Variants in PPP1R9A observed in about 807,000 individuals in gnomAD.
PPP1R9A encodes neurabin-1.
PPP1R9A carries 59 observed loss-of-function variants against 141.9 expected under a neutral mutation model. That is an observed-to-expected ratio of 0.42 (90% CI 0.34 to 0.52). The LOEUF (loss-of-function observed/expected upper bound fraction) is 0.52, where lower values mean the gene tolerates loss of function less well. Ranked by LOEUF, PPP1R9A falls within the 20% of genes least tolerant of loss-of-function variation. The probability of loss-of-function intolerance (pLI) is 0.10; values close to 1 mark genes in which losing one functional copy is unlikely to be tolerated. For missense variants in PPP1R9A, 1,444 were observed against 1,611.9 expected, an observed-to-expected ratio of 0.90 and a Z score of 1.78; for synonymous variants, 500 against 569.7, an observed-to-expected ratio of 0.88 and a Z score of 1.74.
chr7:94,995,595 C>T (rs979341832), intron 2 of PPP1R9A, among the ~76,000 whole-genome samples: 3 of 151,736 alleles, frequency 2.0e-5, no homozygotes, highest in African/African-American at 4.8e-5. Context: ...TACTGTTAAT[C>T]TTATTCAGCA....
chr7:95,003,595 G>T (rs1469913536), intron 2 of PPP1R9A, among the ~76,000 whole-genome samples: 1 of 152,114 alleles, frequency 6.6e-6, no homozygotes, highest in Non-Finnish European at 1.5e-5. Flanking sequence ...ATAGGGAGAG[G>T]TAACTTTCAA....
intron 4 of PPP1R9A, among the ~76,000 whole-genome samples, chr7:95,134,517 A>T (rs888074951): frequency 6.6e-6 from 1 of 152,052 alleles, no homozygotes; most frequent in Admixed American, 6.6e-5. Context: ...GCTCACCACA[A>T]CCTCTGCCTC....
intron 5 of PPP1R9A, among the ~76,000 whole-genome samples, chr7:95,172,658 C>CCA (rs1832300365): frequency 6.6e-6 from 1 of 151,688 alleles, no homozygotes. Context: ...AAGAAGTAGA[C>CCA]CATGTTCAAT....
chr7:95,023,728 A>T (rs997224681), intron 2 of PPP1R9A, among the ~76,000 whole-genome samples: 1 of 151,842 alleles, frequency 6.6e-6, no homozygotes, highest in African/African-American at 2.4e-5. Context: ...ATTCTTTTGT[A>T]TTTTTATTAG....
At position 95,275,478 on chromosome 7, in the gene PPP1R9A, T is replaced by C. The variant is rs1802998174; in HGVS notation, c.3296+1310T>C. On this transcript the variant is annotated intron_variant, in intron 16 of 19. Coordinates refer to ENST00000433360, the MANE Select transcript of PPP1R9A (RefSeq NM_001166160.2). ...TTATTGATGAAGAACTTTACCTTCA[T>C]AGAATTTAATTGATTTGCCCAGGGT... Among the ~76,000 whole-genome samples, 3 of 151,698 alleles carry C rather than the reference T, an allele frequency of 2.0e-5. 1 individual carries two copies. The South Asian group carries it at 6.2e-4, about 31-fold the overall frequency.
chr7:95,241,790 TAA>T (rs772672930), intron 8 of PPP1R9A, among the ~76,000 whole-genome samples: 4 of 152,162 alleles, frequency 2.6e-5, no homozygotes, highest in Non-Finnish European at 5.9e-5. Context: ...ATAATAACAT[TAA>T]GTTATCTTTA....
chr7:94,994,664 G>A (rs920474462), intron 2 of PPP1R9A, among the ~76,000 whole-genome samples: 1 of 152,102 alleles, frequency 6.6e-6, no homozygotes, highest in Non-Finnish European at 1.5e-5. Context: ...GGGAGGCTGA[G>A]GCAGACGGAT....
At chr7:95,037,515 A>G (rs890168916) in intron 2 of PPP1R9A, among the ~76,000 whole-genome samples, 2 of 152,168 alleles carry the variant, frequency 1.3e-5, no homozygotes, top group African/African-American at 4.8e-5. Flanking sequence ...GAGGAGTTAA[A>G]TAATCAACTT....
chr7:95,125,289 C>G (rs1458136422), intron 4 of PPP1R9A, among the ~76,000 whole-genome samples: 1 of 152,100 alleles, frequency 6.6e-6, no homozygotes, highest in Non-Finnish European at 1.5e-5. Context: ...CTTTTAGTCA[C>G]TTTTGAAACC....
chr7:95,067,090 TTATC>T (rs1813050646), intron 2 of PPP1R9A, among the ~76,000 whole-genome samples: 1 of 152,192 alleles, frequency 6.6e-6, no homozygotes, highest in Admixed American at 6.5e-5. Flanking sequence ...TATACCAAAA[TTATC>T]AATCATATGC....
intron 2 of PPP1R9A, among the ~76,000 whole-genome samples, chr7:95,058,661 G>A (rs1439444013): frequency 6.6e-6 from 1 of 152,160 alleles, no homozygotes; most frequent in Non-Finnish European, 1.5e-5. Flanking sequence ...GTTGTAAGAG[G>A]TCAAGAAAAA....
rs148041430 is a variant in PPP1R9A, at chr7:95,096,302, G to A, written c.1396-14957G>A. On this transcript the variant is annotated intron_variant, in intron 2 of 19. Coordinates refer to ENST00000433360, the MANE Select transcript of PPP1R9A (RefSeq NM_001166160.2). ...CTTGTGCCTGACTGACTCTGCAGGGGGAACTTTAGTTCTCAGGACCTTGGT... is the reference window on the plus strand; with the variant it reads ...CTTGTGCCTGACTGACTCTGCAGGGAGAACTTTAGTTCTCAGGACCTTGGT... 4.0e-3 allele frequency among the ~76,000 whole-genome samples: 615 copies of A among 152,202 alleles called. 5 individuals are homozygous for A. The highest frequency in any genetic ancestry group is 0.014 in the African/African-American group (581 of 41,532).
chr7:95,122,912 T>C lies in PPP1R9A; in HGVS notation c.1649+2080T>C, dbSNP rs371311023. Among the ~76,000 whole-genome samples, 638 of 152,250 alleles carry C rather than the reference T, an allele frequency of 4.2e-3. 4 individuals are homozygous for C. Among genetic ancestry groups the C allele is most frequent in the South Asian group, 0.034 (165 of 4,822 alleles). On this transcript the variant is annotated intron_variant, in intron 4 of 19. Coordinates refer to ENST00000433360, the MANE Select transcript of PPP1R9A (RefSeq NM_001166160.2). Reference sequence around the variant, plus strand: ...AAGTTTGATGAAAATTTTAAGATCATGGGAAATAATGCTACAGTTAGTATT... The same window carrying C: ...AAGTTTGATGAAAATTTTAAGATCACGGGAAATAATGCTACAGTTAGTATT...
chr7:95,279,173 A>T (rs1297276109), intron 16 of PPP1R9A, among the ~76,000 whole-genome samples: 1 of 152,218 alleles, frequency 6.6e-6, no homozygotes, highest in Non-Finnish European at 1.5e-5. Flanking sequence ...TTCAGGCTGT[A>T]CTTCATAGGC....
intron 2 of PPP1R9A, among the ~76,000 whole-genome samples, chr7:94,912,537 A>C (rs941732664): frequency 9.9e-5 from 15 of 152,154 alleles, no homozygotes; most frequent in African/African-American, 3.6e-4. Flanking sequence ...GGAATTTGAT[A>C]TATTCCTGTA....
intron 9 of PPP1R9A, among the ~76,000 whole-genome samples, chr7:95,248,765 A>T (rs1314190899): frequency 6.6e-6 from 1 of 152,192 alleles, no homozygotes; most frequent in African/African-American, 2.4e-5. Flanking sequence ...TCCACAGATT[A>T]GCACTTTATT....
chr7:94,950,656 A>C (rs558178616), intron 2 of PPP1R9A, among the ~76,000 whole-genome samples: 10 of 152,024 alleles, frequency 6.6e-5, no homozygotes, highest in Non-Finnish European at 1.0e-4. Flanking sequence ...TATATTTATT[A>C]TATAATTATA....
In PPP1R9A at chr7:94,910,040, G is replaced by C. The variant is rs895799309; in HGVS notation, c.-74G>C. On this transcript the variant is annotated 5_prime_UTR_variant, in exon 2 of 20. Coordinates refer to ENST00000433360, the MANE Select transcript of PPP1R9A (RefSeq NM_001166160.2). This position sits in a 1 kb window ranked among gnomAD's most constrained non-coding sequence, Gnocchi z 4.5. ...TCTTGACCCAATACTGGTGATTAGA[G>C]AAGAGAGGTATCTTGGTTTTTGGTT... 5 of 1,312,608 alleles carry C rather than the reference G, an allele frequency of 3.8e-6. No homozygotes were observed. The highest frequency in any genetic ancestry group is 5.3e-6 in the Non-Finnish European group (5 of 946,040). 81.3% of individuals were successfully genotyped at this position (1,312,608 alleles called of 1,614,324 possible). A position where few individuals can be genotyped will look rare whatever the true frequency, so the allele number is the denominator to read the frequency against.
chr7:95,235,532 A>G (rs1196061049), intron 8 of PPP1R9A, among the ~76,000 whole-genome samples: 2 of 152,202 alleles, frequency 1.3e-5, no homozygotes, highest in Non-Finnish European at 2.9e-5. Flanking sequence ...TGATGTTGGC[A>G]TGGATATGGT....
Sources: gnomAD v4.1 joint callset for allele counts (sites outside exome capture counted in the v4.1 genomes callset) on GRCh38, gnomAD v4.1.1 for gene constraint, Gnocchi (gnomAD v3.1) non-coding constraint, MANE v1.5 for transcripts, NCBI Gene and HGNC (gene_info 2026-07-23, HGNC 2026-07-21) for gene names.